DOCK4: variants seen among roughly 807,000 people sequenced by gnomAD.
DOCK4 encodes dedicator of cytokinesis 4.
DOCK4 carries 97 observed loss-of-function variants against 268.1 expected under a neutral mutation model. That is an observed-to-expected ratio of 0.36 (90% confidence interval 0.31 to 0.43). The LOEUF (loss-of-function observed/expected upper bound fraction) is 0.43. Among genes scored for constraint, DOCK4 ranks in the 20% least tolerant of loss-of-function variants. The pLI is 1.00. For synonymous variants in DOCK4, 954 were observed against 887.2 expected (o/e 1.08, Z -1.34); for missense variants, 2,145 against 2,455.7 (o/e 0.87, Z 2.67).
intron 1 of DOCK4, among the ~76,000 whole-genome samples, chr7:112,110,208 A>C (rs1811527036): frequency 6.6e-6 from 1 of 152,208 alleles, no homozygotes; most frequent in African/African-American, 2.4e-5. Flanking sequence ...TTCCCAATAA[A>C]GGTAAAAAAT....
chr7:111,996,507 C>T (rs1341986852), intron 4 of DOCK4, among the ~76,000 whole-genome samples: 1 of 152,172 alleles, frequency 6.6e-6, no homozygotes, highest in Non-Finnish European at 1.5e-5. Context: ...ATGTTCCTCT[C>T]TGGGAAAGCA....
chr7:112,146,018 T>C (rs976231964), intron 1 of DOCK4, among the ~76,000 whole-genome samples: 3 of 152,152 alleles, frequency 2.0e-5, no homozygotes, highest in Non-Finnish European at 4.4e-5. Flanking sequence ...TCTAACAGGA[T>C]AAAATACCTC....
At chr7:112,177,500 T>C (rs1818636257) in intron 1 of DOCK4, among the ~76,000 whole-genome samples, 1 of 152,200 alleles carries the variant, frequency 6.6e-6, no homozygotes, top group African/African-American at 2.4e-5. Context: ...GAAATAACAG[T>C]GCTAGGAAAA....
At chr7:112,171,784 C>T (rs1390965660) in intron 1 of DOCK4, among the ~76,000 whole-genome samples, 1 of 152,190 alleles carries the variant, frequency 6.6e-6, no homozygotes, top group Non-Finnish European at 1.5e-5. Context: ...GCTAGGGCTG[C>T]CATAACAAAA....
chr7:112,092,533 C>G (rs530084570), intron 1 of DOCK4, among the ~76,000 whole-genome samples: 1 of 152,106 alleles, frequency 6.6e-6, no homozygotes, highest in Non-Finnish European at 1.5e-5. Flanking sequence ...TCTACCTGAA[C>G]GGAAAGAATC....
intron 3 of DOCK4, 108 bp from the exon 4 acceptor site, chr7:111,998,611 G>C (rs771698624): frequency 2.9e-6 from 2 of 683,708 alleles, no homozygotes; most frequent in Middle Eastern, 2.6e-4. Context: ...ATCAGGAATA[G>C]GGAAAAGCAA....
chr7:111,735,548 A>T lies in DOCK4; in HGVS notation c.5306-381T>A, dbSNP rs192670741. Among the ~76,000 whole-genome samples, 44 of 152,340 alleles carry T rather than the reference A, an allele frequency of 2.9e-4. No individual in the cohort carries two copies. In the East Asian group the frequency reaches 8.1e-3, roughly 28 times the overall value. ...CTGGACAAGTGACACCTAAAAATGG[A>T]GAAGGCAATGACATACTAATATTTT... On this transcript the variant is annotated intron_variant, in intron 50 of 52. Coordinates refer to ENST00000428084, the MANE Select transcript of DOCK4 (RefSeq NM_001363540.2).
At chr7:112,090,091 C>A (rs1306931690) in intron 1 of DOCK4, among the ~76,000 whole-genome samples, 2 of 152,084 alleles carry the variant, frequency 1.3e-5, no homozygotes, top group Non-Finnish European at 2.9e-5. Context: ...CAAGGATAAG[C>A]CCCTGGAACT....
chr7:112,196,891 G>C (rs1175895656), intron 1 of DOCK4, among the ~76,000 whole-genome samples: 1 of 152,012 alleles, frequency 6.6e-6, no homozygotes, highest in Non-Finnish European at 1.5e-5. Context: ...TAACTATCTA[G>C]CACCTCACAC....
chr7:112,088,293 T>C (rs556285585), intron 1 of DOCK4, among the ~76,000 whole-genome samples: 10 of 152,272 alleles, frequency 6.6e-5, no homozygotes, highest in Non-Finnish European at 1.0e-4. Context: ...ATAAACAGAA[T>C]TACAAAGCCT....
chr7:111,948,952 A>G (rs1223018011), intron 8 of DOCK4, among the ~76,000 whole-genome samples: 1 of 152,156 alleles, frequency 6.6e-6, no homozygotes, highest in Admixed American at 6.5e-5. Context: ...TTTATTAAAC[A>G]AACACAAAAC....
At chr7:111,752,590 T>G (rs1243537660) in intron 42 of DOCK4, among the ~76,000 whole-genome samples, 2 of 142,594 alleles carry the variant, frequency 1.4e-5, no homozygotes, top group Non-Finnish European at 3.1e-5. Context: ...TTTTTTTTTT[T>G]TTTTTTTTTT....
chr7:111,949,553 G>T (rs536724714), intron 8 of DOCK4, among the ~76,000 whole-genome samples: 6 of 151,966 alleles, frequency 3.9e-5, no homozygotes, highest in East Asian at 3.9e-4. Context: ...TGCCTTAAGG[G>T]GAAGATACAA....
chr7:111,767,167 T>C, intron 37 of DOCK4, 49 bp from the exon 38 acceptor site: 1 of 1,503,400 alleles, frequency 6.7e-7, no homozygotes, highest in Non-Finnish European at 9.2e-7. Flanking sequence ...AATATCCACT[T>C]ACTTCTACCC....
At chr7:111,893,029 GT>G (rs1808422269) in intron 16 of DOCK4, among the ~76,000 whole-genome samples, 1 of 152,134 alleles carries the variant, frequency 6.6e-6, no homozygotes, top group Non-Finnish European at 1.5e-5. Flanking sequence ...AGTTTCTCTT[GT>G]GGTTGAGGTC....
chr7:112,181,070 G>T (rs1185307633), intron 1 of DOCK4, among the ~76,000 whole-genome samples: 1 of 152,128 alleles, frequency 6.6e-6, no homozygotes, highest in African/African-American at 2.4e-5. Flanking sequence ...TGTTAATTTT[G>T]CTCATTTGGT....
rs149916119 is a variant in DOCK4 at position 111,783,661 on chromosome 7, C to T, written c.3524+196G>A. Among the ~76,000 whole-genome samples, 7 of 150,978 alleles carry T rather than the reference C, an allele frequency of 4.6e-5. 1 individual carries two copies. Among genetic ancestry groups the T allele is most frequent in the African/African-American group, 1.7e-4 (7 of 41,090 alleles). The stretch of plus-strand genomic sequence containing the variant: ...ACTATCAAAAAACAAAACAAAGCAA[C>T]AAAAAACAAACAAAAGCTCAAATTA... On this transcript the variant is annotated intron_variant, in intron 34 of 52. Transcript: ENST00000428084.
At chr7:111,744,399 G>C (rs1796130025) in intron 44 of DOCK4, among the ~76,000 whole-genome samples, 1 of 152,206 alleles carries the variant, frequency 6.6e-6, no homozygotes, top group African/African-American at 2.4e-5. Context: ...CCTCCCCACA[G>C]AGATGATGAG....
At chr7:112,185,098 T>G (rs1819388584) in intron 1 of DOCK4, among the ~76,000 whole-genome samples, 1 of 152,050 alleles carries the variant, frequency 6.6e-6, no homozygotes, top group African/African-American at 2.4e-5. Flanking sequence ...ATAAAGAATC[T>G]ATAGGAAATC....
Sources: allele counts gnomAD v4.1 joint callset (sites outside exome capture counted in the v4.1 genomes callset), GRCh38; gene constraint gnomAD v4.1.1; transcripts MANE v1.5; gene names NCBI Gene and HGNC (gene_info 2026-07-23, HGNC 2026-07-21).